ADGRL2: variants seen among roughly 807,000 people sequenced by gnomAD.
ADGRL2 encodes adhesion G protein-coupled receptor L2.
In ADGRL2, 44 loss-of-function variants were observed where a neutral mutation model predicts 157.4. The observed-to-expected ratio is 0.28, with a 90% CI of 0.22 to 0.36. The LOEUF is 0.36. Among genes scored for constraint, ADGRL2 ranks in the 10% least tolerant of loss-of-function variants. The probability of loss-of-function intolerance (pLI) is 1.00; values close to 1 mark genes in which losing one functional copy is unlikely to be tolerated. For missense variants in ADGRL2, 1,510 were observed against 1,768.9 expected (o/e 0.85, Z 2.63); for synonymous variants, 585 against 624.7 (o/e 0.94, Z 0.95).
At chr1:81,612,487 A>G (rs1015939617) in intron 3 of ADGRL2, among the ~76,000 whole-genome samples, 1 of 152,206 alleles carries the variant, frequency 6.6e-6, no homozygotes, top group Non-Finnish European at 1.5e-5. Context: ...ACAATATTCT[A>G]TGAGAATAAA....
intron 1 of ADGRL2, among the ~76,000 whole-genome samples, chr1:81,740,903 G>T (rs2085051478): frequency 6.6e-6 from 1 of 152,150 alleles, no homozygotes; most frequent in Admixed American, 6.6e-5. Context: ...GTTGAGTGTG[G>T]AAAAGCAGAG....
chr1:81,756,851 A>C (rs2085708671), intron 1 of ADGRL2, among the ~76,000 whole-genome samples: 1 of 152,198 alleles, frequency 6.6e-6, no homozygotes, highest in African/African-American at 2.4e-5. Context: ...TTGTTGATTG[A>C]AGACACTCTT....
chr1:81,707,014 G>A (rs951067529), intron 1 of ADGRL2, among the ~76,000 whole-genome samples: 1 of 152,088 alleles, frequency 6.6e-6, no homozygotes, highest in Non-Finnish European at 1.5e-5. Flanking sequence ...AGGAACAGAA[G>A]ATAAGAAATA....
At chr1:81,498,683 A>T (rs1326830712) in intron 2 of ADGRL2, among the ~76,000 whole-genome samples, 1 of 152,238 alleles carries the variant, frequency 6.6e-6, no homozygotes, top group African/African-American at 2.4e-5. Context: ...TTCTCTTTAA[A>T]TTATCTGTGA....
chr1:81,948,854 G>A (rs1413453778), intron 6 of ADGRL2, among the ~76,000 whole-genome samples: 1 of 152,148 alleles, frequency 6.6e-6, no homozygotes, highest in Non-Finnish European at 1.5e-5. Flanking sequence ...AATAAAACGT[G>A]TATAGTGTAC....
upstream of ADGRL2, chr1:81,699,642 G>A (rs1332978494): frequency 2.6e-5 from 4 of 152,128 alleles, no homozygotes; most frequent in African/African-American, 7.2e-5. Flanking sequence ...AATTCCTGAC[G>A]AAACACAGAA....
At position 81,755,148 on chromosome 1, in the gene ADGRL2, T is replaced by TCATA. The variant is rs377400172; in HGVS notation, c.-142-6663_-142-6662insCATA. Among the ~76,000 whole-genome samples, 1,067 of 143,750 alleles carry TCATA rather than the reference T, an allele frequency of 7.4e-3. 86 individuals are homozygous for TCATA. In the East Asian group the frequency reaches 0.18, roughly 24 times the overall value. The allele number at this position is 143,750 out of a possible 152,430, so 94.3% of individuals were successfully genotyped here. A position where few individuals can be genotyped will look rare whatever the true frequency, so the allele number is the denominator to read the frequency against. Reference sequence around the variant, plus strand: ...TAGATTTAAAGATATATATATGTGTTTATATATATATATATATTTAAAGAT... The same window carrying TCATA: ...TAGATTTAAAGATATATATATGTGTTCATATATATATATATATATATTTAAAGAT... On this transcript the variant is annotated intron_variant, in intron 1 of 20. Coordinates refer to the ADGRL2 transcript ENST00000359929.
intron 1 of ADGRL2, among the ~76,000 whole-genome samples, chr1:81,817,844 C>T (rs915781627): frequency 7.9e-5 from 12 of 151,920 alleles, no homozygotes; most frequent in African/African-American, 2.7e-4. Context: ...TTGAGACGCA[C>T]AGCACTAGAG....
intron 3 of ADGRL2, among the ~76,000 whole-genome samples, chr1:81,910,890 C>T (rs77908013): frequency 0.077 from 11,716 of 151,416 alleles, 475 homozygotes; most frequent in African/African-American, 0.11. Flanking sequence ...CACATTAAAA[C>T]ATTAGAATTT....
intron 3 of ADGRL2, among the ~76,000 whole-genome samples, chr1:81,662,559 T>C (rs1570766865): frequency 1.4e-5 from 2 of 147,706 alleles, no homozygotes; most frequent in South Asian, 4.4e-4. Context: ...CATTCTTTCT[T>C]TTTTTTTCTT....
chr1:81,700,216 G>C (rs1362810277), intron 1 of ADGRL2, among the ~76,000 whole-genome samples: 2 of 152,208 alleles, frequency 1.3e-5, no homozygotes, highest in Admixed American at 1.3e-4. Flanking sequence ...CTTTTCAAAA[G>C]AATTGTCACA....
chr1:81,493,195 T>A (rs917397493), intron 2 of ADGRL2, among the ~76,000 whole-genome samples: 1 of 152,162 alleles, frequency 6.6e-6, no homozygotes, highest in East Asian at 1.9e-4. Context: ...ATCAAACAAA[T>A]GTACCCCACT....
At position 81,830,257 on chromosome 1, in the gene ADGRL2, A is replaced by G. The variant is rs542775431; in HGVS notation, c.-100-6628A>G. Among the ~76,000 whole-genome samples, 4 of 152,292 alleles carry G rather than the reference A, an allele frequency of 2.6e-5. No individual in the cohort carries two copies. The East Asian group carries it at 7.7e-4, about 29-fold the overall frequency. ...TGAATAACACTCGTTTTAGCACTGG[A>G]TATCCATTAAAAATGTGTAGGAAGT... is the stretch of plus-strand genomic sequence containing the variant. On this transcript the variant is annotated intron_variant, in intron 1 of 23. Coordinates refer to ENST00000686636, the MANE Select transcript of ADGRL2 (RefSeq NM_001366006.2).
At chr1:81,534,348 G>T (rs1278093763) in intron 2 of ADGRL2, among the ~76,000 whole-genome samples, 3 of 152,072 alleles carry the variant, frequency 2.0e-5, no homozygotes, top group Non-Finnish European at 4.4e-5. Context: ...TTTCGGTAGA[G>T]ACGGGGTTTC....
At chr1:81,613,737 G>A (rs2081588840) in intron 3 of ADGRL2, among the ~76,000 whole-genome samples, 1 of 152,130 alleles carries the variant, frequency 6.6e-6, no homozygotes, top group South Asian at 2.1e-4. Context: ...GTGATCCAAT[G>A]GTATAAAAAT....
At chr1:81,913,979 ATACT>A (rs1309139297) in intron 3 of ADGRL2, among the ~76,000 whole-genome samples, 2 of 151,924 alleles carry the variant, frequency 1.3e-5, no homozygotes, top group African/African-American at 4.8e-5. Context: ...AACAAGGGAG[ATACT>A]TAATGCACAC....
chr1:81,698,424 T>G (rs1557575255), upstream of ADGRL2, among the ~76,000 whole-genome samples: 1 of 152,202 alleles, frequency 6.6e-6, no homozygotes, highest in East Asian at 1.9e-4. Context: ...ATATATGTAG[T>G]TATAAATGTA....
chr1:81,840,746 G>A (rs937304447), intron 2 of ADGRL2, among the ~76,000 whole-genome samples: 4 of 152,044 alleles, frequency 2.6e-5, no homozygotes, highest in African/African-American at 7.2e-5. Context: ...GTATTTTGGG[G>A]AAAATTATAT....
At chr1:81,722,594 A>T in intron 1 of ADGRL2, 1 of 1,446,760 alleles carries the variant, frequency 6.9e-7, no homozygotes, top group Admixed American at 1.7e-5. Flanking sequence ...CACTGGGAAG[A>T]TGTAGCCCAT....
Sources: allele counts gnomAD v4.1 joint callset (sites outside exome capture counted in the v4.1 genomes callset), GRCh38; gene constraint gnomAD v4.1.1; transcripts MANE v1.5; gene names NCBI Gene and HGNC (gene_info 2026-07-23, HGNC 2026-07-21).